PRKCA: variants seen among roughly 807,000 people sequenced by gnomAD.
PRKCA encodes the protein protein kinase C alpha type.
PRKCA carries 27 observed loss-of-function variants against 87.0 expected under a neutral mutation model. The observed-to-expected ratio is 0.31, with a 90% CI of 0.23 to 0.43. The LOEUF (loss-of-function observed/expected upper bound fraction) is 0.43, where lower values mean the gene tolerates loss of function less well. PRKCA is among the 20% of genes least tolerant of loss of function. The pLI, the probability that PRKCA is intolerant of heterozygous loss-of-function variation, is 1.00. For missense variants in PRKCA, 518 were observed against 852.3 expected, an observed-to-expected ratio of 0.61 and a Z score of 4.88; for synonymous variants, 329 against 311.1, an observed-to-expected ratio of 1.06 and a Z score of -0.61.
At chr17:66,551,812 TTTCTC>T (rs200980734) in intron 3 of PRKCA, among the ~76,000 whole-genome samples, 1,830 of 152,296 alleles carry the variant, frequency 0.012, 25 homozygotes, top group Middle Eastern at 0.037. Flanking sequence ...GGGAATTATC[TTTCTC>T]TTCTTTCCTT....
At chr17:66,440,684 A>G (rs111426047) in intron 2 of PRKCA, among the ~76,000 whole-genome samples, 1 of 152,068 alleles carries the variant, frequency 6.6e-6, no homozygotes, top group Non-Finnish European at 1.5e-5. Context: ...CCACAGACCG[A>G]GGGTGGGCTA....
chr17:66,747,208 T>C (rs1974312764), intron 13 of PRKCA, among the ~76,000 whole-genome samples: 1 of 152,210 alleles, frequency 6.6e-6, no homozygotes, highest in Admixed American at 6.5e-5. Context: ...TAACTGGGAC[T>C]ACAGGCATGT....
chr17:66,384,794 A>C (rs1190914303), intron 2 of PRKCA, among the ~76,000 whole-genome samples: 2 of 151,902 alleles, frequency 1.3e-5, no homozygotes, highest in Non-Finnish European at 2.9e-5. Flanking sequence ...ACACCTGGCT[A>C]ATTTTTTTTA....
At chr17:66,800,903 A>T (rs1416370683) in intron 16 of PRKCA, among the ~76,000 whole-genome samples, 1 of 152,120 alleles carries the variant, frequency 6.6e-6, no homozygotes, top group African/African-American at 2.4e-5. Flanking sequence ...TCATCTTTGC[A>T]TGGTTAGTGA....
intron 2 of PRKCA, among the ~76,000 whole-genome samples, chr17:66,449,488 C>T (rs975107754): frequency 6.6e-6 from 1 of 152,148 alleles, no homozygotes; most frequent in Non-Finnish European, 1.5e-5. Flanking sequence ...AATTGAACCT[C>T]GCTGCCCAAC....
chr17:66,592,015 G>A (rs1969822156), intron 3 of PRKCA, among the ~76,000 whole-genome samples: 1 of 151,990 alleles, frequency 6.6e-6, no homozygotes, highest in African/African-American at 2.4e-5. Flanking sequence ...TTAATGGATA[G>A]GATCAACATC....
At chr17:66,663,817 CTCTT>C (rs1312534805) in intron 5 of PRKCA, among the ~76,000 whole-genome samples, 3 of 151,914 alleles carry the variant, frequency 2.0e-5, no homozygotes, top group African/African-American at 7.2e-5. Context: ...GTTGTGGTAG[CTCTT>C]TCTCTTTGGA....
chr17:66,651,681 T>C (rs1313086452), intron 5 of PRKCA, among the ~76,000 whole-genome samples: 2 of 152,132 alleles, frequency 1.3e-5, no homozygotes, highest in Non-Finnish European at 2.9e-5. Context: ...GGAACGTAGA[T>C]GGTGATGCAG....
intron 8 of PRKCA, among the ~76,000 whole-genome samples, chr17:66,704,720 T>A (rs1034331280): frequency 1.3e-5 from 2 of 152,230 alleles, no homozygotes; most frequent in East Asian, 1.9e-4. Context: ...TGTTTTTACT[T>A]ATTCAAGAGA....
At chr17:66,596,378 C>A (rs1008685883) in intron 3 of PRKCA, among the ~76,000 whole-genome samples, 17 of 152,092 alleles carry the variant, frequency 1.1e-4, no homozygotes, top group African/African-American at 3.6e-4. Flanking sequence ...CCTTTGCCCC[C>A]CTGCCTTCAC....
chr17:66,602,787 G>A (rs1183734470), intron 3 of PRKCA, among the ~76,000 whole-genome samples: 1 of 152,164 alleles, frequency 6.6e-6, no homozygotes, highest in Non-Finnish European at 1.5e-5. Context: ...GTATAAAGGG[G>A]TCCCTGAGAA....
chr17:66,326,056 C>G (rs759683849), intron 2 of PRKCA, among the ~76,000 whole-genome samples: 2 of 152,196 alleles, frequency 1.3e-5, no homozygotes, highest in East Asian at 1.9e-4. Flanking sequence ...TTGAGAACCC[C>G]CTTTGTGTAT....
intron 2 of PRKCA, among the ~76,000 whole-genome samples, chr17:66,433,034 A>G (rs1306098444): frequency 3.3e-5 from 5 of 152,206 alleles, no homozygotes; most frequent in African/African-American, 1.2e-4. Context: ...TGATGTGTGC[A>G]GTTAGCCGGG....
At chr17:66,520,690 A>G (rs1450515514) in intron 3 of PRKCA, among the ~76,000 whole-genome samples, 1 of 152,250 alleles carries the variant, frequency 6.6e-6, no homozygotes, top group Non-Finnish European at 1.5e-5. Context: ...TTTATTATTT[A>G]GAATTATACT....
At chr17:66,444,252 G>C (rs1913920602) in intron 2 of PRKCA, among the ~76,000 whole-genome samples, 1 of 152,126 alleles carries the variant, frequency 6.6e-6, no homozygotes, top group Non-Finnish European at 1.5e-5. Context: ...AGTTGAACAG[G>C]GTCTAGTTCC....
intron 13 of PRKCA, among the ~76,000 whole-genome samples, chr17:66,762,125 C>G (rs188638002): frequency 6.6e-6 from 1 of 152,128 alleles, no homozygotes; most frequent in African/African-American, 2.4e-5. Context: ...GCTGAAAGAA[C>G]GAATGGAAGG....
rs554560793 is a variant in PRKCA, at chr17:66,715,666, TC to T, written c.919-17020del. Reference sequence around the variant, plus strand: ...TGTAGTTCCGTTGGCACTCTATAGTTCCGTTGGCATTTTGCAAAGTCCTGGC... The same window carrying T: ...TGTAGTTCCGTTGGCACTCTATAGTTCGTTGGCATTTTGCAAAGTCCTGGC... On this transcript the variant is annotated intron_variant, in intron 8 of 16. Coordinates refer to ENST00000413366, the MANE Select transcript of PRKCA (RefSeq NM_002737.3). Among the ~76,000 whole-genome samples, 568 of 152,324 alleles carry T rather than the reference TC, an allele frequency of 3.7e-3. 1 individual carries two copies. Among genetic ancestry groups the T allele is most frequent in the Non-Finnish European group, 6.0e-3 (407 of 68,044 alleles).
chr17:66,494,061 C>T (rs58601755), intron 2 of PRKCA, among the ~76,000 whole-genome samples: 6,317 of 152,246 alleles, frequency 0.041, 399 homozygotes, highest in African/African-American at 0.14. Flanking sequence ...CCACTCACAG[C>T]CCTCTCAGTA....
intron 14 of PRKCA, chr17:66,777,421 T>TGGGGGGGGGGGGGGGGGGGGG: frequency 1.2e-5 from 3 of 256,678 alleles, no homozygotes; most frequent in East Asian, 2.3e-4. Context: ...TTTATTTAGT[T>TGGGGGGGGGGGGGGGGGGGGG]CCCCTCCCCC....
Sources: gnomAD v4.1 joint callset for allele counts (sites outside exome capture counted in the v4.1 genomes callset) on GRCh38, gnomAD v4.1.1 for gene constraint, MANE v1.5 for transcripts, NCBI Gene and HGNC (gene_info 2026-07-23, HGNC 2026-07-21) for gene names.